Variants in KLF8 observed in about 807,000 individuals in gnomAD.
The protein encoded by KLF8 is KLF transcription factor 8, also known as Krueppel-like factor 8.
KLF8 carries 10 observed loss-of-function variants against 18.2 expected under a neutral mutation model. That is an observed-to-expected ratio of 0.55 (90% CI 0.34 to 0.93). The LOEUF (loss-of-function observed/expected upper bound fraction) is 0.93, where lower values mean the gene tolerates loss of function less well. Ranked by LOEUF, KLF8 falls within the 40% of genes least tolerant of loss-of-function variation. KLF8 has a pLI of 0.02. For missense variants in KLF8, 264 were observed against 277.9 expected, an observed-to-expected ratio of 0.95 and a Z score of 0.36; for synonymous variants, 109 against 97.3, an observed-to-expected ratio of 1.12 and a Z score of -0.71.
At chrX:56,148,102 G>A in the KLF8 span, among the ~76,000 whole-genome samples, 15 of 112,192 alleles carry the variant, frequency 1.3e-4, no homozygotes, top group Non-Finnish European at 2.6e-4. Flanking sequence ...CAATAAAAAT[G>A]TTTGGGCATA....
chrX:56,221,767 C>T, the KLF8 span, among the ~76,000 whole-genome samples: 2 of 111,573 alleles, frequency 1.8e-5, no homozygotes, highest in African/African-American at 6.5e-5. Context: ...AGTGTGGACC[C>T]AAAGAGTGAG....
intron 1 of KLF8, 151 bp downstream of exon 1, chrX:56,233,492 A>C: frequency 2.1e-6 from 1 of 482,293 alleles, no homozygotes; most frequent in South Asian, 3.2e-5. Flanking sequence ...ATGTGGAATC[A>C]AATGAAACTC....
the KLF8 span, among the ~76,000 whole-genome samples, chrX:56,096,163 G>A: frequency 9.2e-6 from 1 of 108,831 alleles, no homozygotes; most frequent in Non-Finnish European, 1.9e-5. Context: ...TGGAACTGGA[G>A]GCCATTATCC....
chrX:56,068,220 T>A, the KLF8 span, among the ~76,000 whole-genome samples: 7 of 111,480 alleles, frequency 6.3e-5, no homozygotes. Flanking sequence ...CTCAGCTGGA[T>A]GGTGCCACTT....
the KLF8 span, among the ~76,000 whole-genome samples, chrX:56,126,416 G>A: frequency 8.1e-5 from 9 of 111,722 alleles, no homozygotes; most frequent in African/African-American, 2.3e-4. Flanking sequence ...ATCACTCCTC[G>A]TCTATCCTTG....
At chrX:55,918,662 T>C in the KLF8 span, among the ~76,000 whole-genome samples, 1 of 111,952 alleles carries the variant, frequency 8.9e-6, no homozygotes, top group Non-Finnish European at 1.9e-5. Context: ...AGTCCAGATA[T>C]TCCTTGGCTT....
chrX:56,276,331 T>C (rs1317446607), intron 5 of KLF8, among the ~76,000 whole-genome samples: 1 of 111,556 alleles, frequency 9.0e-6, no homozygotes, highest in Non-Finnish European at 1.9e-5. Flanking sequence ...TTGTCCTTAA[T>C]ATTACCAGTG....
the KLF8 span, among the ~76,000 whole-genome samples, chrX:56,119,309 T>C: frequency 9.0e-6 from 1 of 110,834 alleles, no homozygotes. Flanking sequence ...TGCTGCCTGA[T>C]CCCCAAAGAG....
chrX:56,070,466 G>T, the KLF8 span, among the ~76,000 whole-genome samples: 1 of 109,701 alleles, frequency 9.1e-6, no homozygotes, highest in African/African-American at 3.3e-5. Flanking sequence ...TATAAACCAT[G>T]AAATACTATT....
chrX:55,943,052 T>A, the KLF8 span, among the ~76,000 whole-genome samples: 1 of 54,359 alleles, frequency 1.8e-5, no homozygotes, highest in African/African-American at 8.0e-5. Flanking sequence ...ATTTTGGAAG[T>A]AGAGTTGACC....
At chrX:56,005,747 G>A in the KLF8 span, among the ~76,000 whole-genome samples, 7 of 112,037 alleles carry the variant, frequency 6.2e-5, no homozygotes, top group African/African-American at 1.9e-4. Context: ...GCACACACTG[G>A]CAGAGAAGTT....
At chrX:56,215,739 C>T in the KLF8 span, among the ~76,000 whole-genome samples, 2 of 94,868 alleles carry the variant, frequency 2.1e-5, no homozygotes, top group Non-Finnish European at 2.0e-5. Context: ...AGGATAATTG[C>T]TTGAACCCAG....
At chrX:55,983,367 AT>A in the KLF8 span, among the ~76,000 whole-genome samples, 1 of 111,420 alleles carries the variant, frequency 9.0e-6, no homozygotes, top group African/African-American at 3.3e-5. Context: ...TAGGTTAACC[AT>A]TTTGTTTCTA....
the KLF8 span, chrX:55,908,146 G>A: frequency 1.3e-5 from 2 of 150,741 alleles, no homozygotes; most frequent in Non-Finnish European, 2.6e-5. Flanking sequence ...ACAAAGTAAT[G>A]AAAAGAGATG....
At chrX:56,174,587 G>C in the KLF8 span, among the ~76,000 whole-genome samples, 1 of 111,392 alleles carries the variant, frequency 9.0e-6, no homozygotes, top group Non-Finnish European at 1.9e-5. Context: ...CCAGGCTTTG[G>C]TATCAGGATG....
chrX:56,231,006 G>A (rs2066396834), upstream of KLF8, among the ~76,000 whole-genome samples: 1 of 111,866 alleles, frequency 8.9e-6, no homozygotes, highest in African/African-American at 3.3e-5. Context: ...AAGGTGGACA[G>A]AGAGCTTAGT....
At chrX:56,101,487 T>C in the KLF8 span, among the ~76,000 whole-genome samples, 1 of 111,887 alleles carries the variant, frequency 8.9e-6, no homozygotes, top group Non-Finnish European at 1.9e-5. Flanking sequence ...CAACCAGTAA[T>C]GGGATTCCTT....
the KLF8 span, among the ~76,000 whole-genome samples, chrX:55,925,878 T>G: frequency 2.7e-5 from 3 of 112,074 alleles, no homozygotes; most frequent in East Asian, 5.6e-4. Context: ...TAAATTCTTG[T>G]GGGTACATAG....
the KLF8 span, among the ~76,000 whole-genome samples, chrX:56,090,568 C>G: frequency 5.4e-5 from 6 of 111,815 alleles, no homozygotes; most frequent in African/African-American, 2.0e-4. Context: ...CTGTGATGAT[C>G]AGTGATGTTG....
Sources: gnomAD v4.1 joint callset for allele counts (sites outside exome capture counted in the v4.1 genomes callset) on GRCh38, gnomAD v4.1.1 for gene constraint, MANE v1.5 for transcripts, NCBI Gene and HGNC (gene_info 2026-07-23, HGNC 2026-07-21) for gene names.